USP25: variants seen among roughly 807,000 people sequenced by gnomAD.
The protein encoded by USP25 is ubiquitin specific peptidase 25.
In USP25, 85 loss-of-function variants were observed where a neutral mutation model predicts 158.5. That is an observed-to-expected ratio of 0.54 (90% CI 0.45 to 0.64). USP25 has a LOEUF of 0.64. USP25 is among the 30% of genes least tolerant of loss of function. The pLI is 0.00. For missense variants in USP25, 1,242 were observed against 1,327.3 expected (o/e 0.94, Z 1.00); for synonymous variants, 464 against 460.4 (o/e 1.01, Z -0.10).
At chr21:15,796,936 G>A (rs956529091) in intron 5 of USP25, among the ~76,000 whole-genome samples, 9 of 151,408 alleles carry the variant, frequency 5.9e-5, no homozygotes, top group Non-Finnish European at 1.3e-4. Flanking sequence ...GCAAGATTGC[G>A]AGTCTGAAGA....
intron 20 of USP25, among the ~76,000 whole-genome samples, chr21:15,863,174 A>C (rs2039506856): frequency 6.6e-6 from 1 of 152,008 alleles, no homozygotes; most frequent in African/African-American, 2.4e-5. Flanking sequence ...GTGTAAATCT[A>C]TACATATTTC....
At chr21:15,742,714 C>T (rs2032170474) in intron 1 of USP25, among the ~76,000 whole-genome samples, 1 of 152,186 alleles carries the variant, frequency 6.6e-6, no homozygotes, top group Non-Finnish European at 1.5e-5. Context: ...GAAGAAGTGA[C>T]ACAAGATTTT....
rs143782116 is a variant in USP25, at chr21:15,831,489, G to A, written c.1853G>A (p.Ser618Asn). 3.4e-5 allele frequency: 55 copies of A among 1,614,096 alleles called. No homozygotes were observed. In the African/African-American group the frequency reaches 4.7e-4, roughly 14 times the overall value. ...YWAYIFDHRE[S>N]RWMKYNDIAV... ...GCATATATTTTTGATCATCGTGAAA[G>A]CAGATGGATGAAGTACAATGATATT... is the stretch of plus-strand genomic sequence containing the variant. Residue 618 changes from serine (S) to asparagine (N), a missense_variant, in exon 16 of 26, where the codon AGC (serine) becomes AAC (asparagine). Physicochemically the swap from Ser to Asn is conservative, Grantham distance 46 (BLOSUM62 1). Transcript: ENST00000400183.
At chr21:15,864,593 C>G in intron 21 of USP25, 147 bp downstream of exon 21, 1 of 718,518 alleles carries the variant, frequency 1.4e-6, no homozygotes, top group Non-Finnish European at 2.1e-6. Context: ...CTCAATGTGA[C>G]TAGTTGCTGG....
Position 15,880,005 on chromosome 21 carries a change from A to G in USP25, c.*1530A>G, listed in dbSNP as rs747021558. 1 of 152,232 alleles carries G rather than the reference A, an allele frequency of 6.6e-6. No homozygotes were observed. Among genetic ancestry groups the G allele is most frequent in the Non-Finnish European group, 1.5e-5 (1 of 68,036 alleles). The allele number at this position is 152,232 out of a possible 1,614,324, so 9.4% of individuals were successfully genotyped here. A position where few individuals can be genotyped will look rare whatever the true frequency, so the allele number is the denominator to read the frequency against. On this transcript the variant is annotated 3_prime_UTR_variant, in exon 26 of 26. Coordinates refer to ENST00000400183, the MANE Select transcript of USP25 (RefSeq NM_001283041.3). ...CCTGTTAAAAGTTTAGAAACTTCAT[A>G]TGTGTCATCACAGCTTTTGTAAAGA...
intron 7 of USP25, among the ~76,000 whole-genome samples, chr21:15,806,279 A>T (rs2036384852): frequency 6.6e-6 from 1 of 152,072 alleles, no homozygotes; most frequent in African/African-American, 2.4e-5. Context: ...TCTGGTTCTA[A>T]ATGTGTTTTA....
At chr21:15,778,674 G>A (rs1480862578) in intron 4 of USP25, among the ~76,000 whole-genome samples, 1 of 152,046 alleles carries the variant, frequency 6.6e-6, no homozygotes, top group Admixed American at 6.6e-5. Flanking sequence ...GTTTGAAACA[G>A]TTTGATTCAT....
At chr21:15,745,687 C>T (rs926712242) in intron 1 of USP25, among the ~76,000 whole-genome samples, 2 of 151,944 alleles carry the variant, frequency 1.3e-5, no homozygotes, top group Middle Eastern at 3.4e-3. Context: ...TGTTGGCCAG[C>T]CTGGTCTCGA....
chr21:15,785,494 A>G (rs2035220758), intron 4 of USP25, among the ~76,000 whole-genome samples: 1 of 152,216 alleles, frequency 6.6e-6, no homozygotes, highest in Non-Finnish European at 1.5e-5. Flanking sequence ...ACAACTATAT[A>G]AAGCTAGAAA....
At chr21:15,770,434 A>G (rs767374384) in intron 3 of USP25, among the ~76,000 whole-genome samples, 20 of 152,180 alleles carry the variant, frequency 1.3e-4, no homozygotes, top group Non-Finnish European at 1.0e-4. Flanking sequence ...GGTTAGAATG[A>G]TAGCCATGGT....
chr21:15,731,745 G>T (rs1218109479), intron 1 of USP25, among the ~76,000 whole-genome samples: 2 of 152,120 alleles, frequency 1.3e-5, no homozygotes, highest in African/African-American at 2.4e-5. Flanking sequence ...AATAATTCAA[G>T]ATTTAATAAT....
intron 20 of USP25, among the ~76,000 whole-genome samples, chr21:15,850,305 T>C (rs986606703): frequency 1.3e-5 from 2 of 152,032 alleles, no homozygotes; most frequent in Non-Finnish European, 2.9e-5. Context: ...CTTTTTCGTT[T>C]ATAAAATGAT....
chr21:15,793,501 TA>T, intron 5 of USP25, among the ~76,000 whole-genome samples: 1 of 151,138 alleles, frequency 6.6e-6, no homozygotes, highest in East Asian at 1.9e-4. Flanking sequence ...AATTATCTTT[TA>T]AAAAAATGCC....
In USP25 at chr21:15,826,849, A is replaced by G. The variant is rs2037530147; in HGVS notation, c.1467-128A>G. ...AAAATCTCATTTGGATGTTAGATCA[A>G]TCCACATATTTCTTTAAGATTTTTT... On this transcript the variant is annotated intron_variant, in intron 13 of 25. Coordinates refer to ENST00000400183, the MANE Select transcript of USP25 (RefSeq NM_001283041.3). The surrounding 1 kb of genome is among the most constrained non-coding windows in gnomAD (Gnocchi z 4.8). 3 of 789,674 alleles carry G rather than the reference A, an allele frequency of 3.8e-6. No individual in the cohort carries two copies. The highest frequency in any genetic ancestry group is 6.0e-6 in the Non-Finnish European group (3 of 503,826). 48.9% of individuals were successfully genotyped at this position (789,674 alleles called of 1,614,324 possible).
At chr21:15,866,134 G>A in intron 21 of USP25, 132 bp from the exon 22 acceptor site, 1 of 415,084 alleles carries the variant, frequency 2.4e-6, no homozygotes, top group East Asian at 3.9e-5. Context: ...AGGTTATTTA[G>A]GAGTTGTTTC....
intron 4 of USP25, among the ~76,000 whole-genome samples, chr21:15,787,169 GC>G (rs547410086): frequency 2.7e-4 from 41 of 152,110 alleles, no homozygotes; most frequent in African/African-American, 9.4e-4. Context: ...TGTTAAAATG[GC>G]CATACTACCT....
At chr21:15,781,147 G>A (rs1198603299) in intron 4 of USP25, among the ~76,000 whole-genome samples, 1 of 152,184 alleles carries the variant, frequency 6.6e-6, no homozygotes, top group Admixed American at 6.5e-5. Flanking sequence ...TCAACTGGTC[G>A]ATGTAGTCAG....
chr21:15,805,798 T>C (rs1356301740), intron 7 of USP25: 1 of 152,002 alleles, frequency 6.6e-6, no homozygotes, highest in Admixed American at 6.6e-5. Flanking sequence ...ATCAGAGAAA[T>C]TAAAGAAGGA....
chr21:15,870,131 A>G lies in USP25; in HGVS notation c.2869A>G (p.Asn957Asp). Reference protein sequence around the residue: ...TTMYLIIGLENFQRESYIDSL... With the variant: ...TTMYLIIGLEDFQRESYIDSL... ...TATGTATCTCATAATTGGGCTAGAA[A>G]ATTTTCAAAGAGAAAGGTAAGGCAA... Residue 957 changes from asparagine to aspartate, a missense_variant, in exon 23 of 26, where the codon AAT becomes GAT. Coordinates refer to ENST00000400183, the MANE Select transcript of USP25 (RefSeq NM_001283041.3). 6.2e-7 allele frequency: 1 copy of G among 1,608,912 alleles called. No homozygotes were observed. The highest frequency in any genetic ancestry group is 8.5e-7 in the Non-Finnish European group (1 of 1,177,700).
Sources: gnomAD v4.1 joint callset for allele counts (sites outside exome capture counted in the v4.1 genomes callset) on GRCh38, gnomAD v4.1.1 for gene constraint, Gnocchi (gnomAD v3.1) non-coding constraint, MANE v1.5 for transcripts, NCBI Gene and HGNC (gene_info 2026-07-23, HGNC 2026-07-21) for gene names.